NPAS3: variants seen among roughly 807,000 people sequenced by gnomAD.
The protein encoded by NPAS3 is neuronal PAS domain-containing protein 3.
NPAS3 carries 14 observed loss-of-function variants against 73.1 expected under a neutral mutation model. The observed-to-expected ratio is 0.19, with a 90% CI of 0.13 to 0.30. NPAS3 has a LOEUF of 0.30. NPAS3 is among the 10% of genes least tolerant of loss of function. NPAS3 has a pLI of 1.00. For missense variants in NPAS3, 1,096 were observed against 1,250.0 expected (o/e 0.88, Z 1.86); for synonymous variants, 620 against 541.5 (o/e 1.14, Z -2.01).
At chr14:33,445,998 T>C (rs1241962338) in intron 4 of NPAS3, among the ~76,000 whole-genome samples, 1 of 151,910 alleles carries the variant, frequency 6.6e-6, no homozygotes, top group Non-Finnish European at 1.5e-5. Context: ...ACAGTTTTTG[T>C]GGCTTTAGTG....
At chr14:33,508,992 C>G (rs919371560) in intron 4 of NPAS3, among the ~76,000 whole-genome samples, 1 of 151,688 alleles carries the variant, frequency 6.6e-6, no homozygotes, top group Non-Finnish European at 1.5e-5. Flanking sequence ...AGGGTGGTGG[C>G]CTGTTTGTCC....
Position 33,252,693 on chromosome 14 carries a change from G to T in NPAS3, c.385+37267G>T, listed in dbSNP as rs1483956069. Among the ~76,000 whole-genome samples the T allele has an allele frequency of 2.0e-5, 3 of 151,432 alleles. No homozygotes were observed. The East Asian group carries it at 5.8e-4, about 29-fold the overall frequency. ...GTATATGTGCATGTTTGTTACATGG[G>T]TATATTGCATACTGGTGGGGATTGG... On this transcript the variant is annotated intron_variant, in intron 3 of 11. Transcript: ENST00000356141.
chr14:33,601,589 T>C (rs1445358111), intron 5 of NPAS3, among the ~76,000 whole-genome samples: 1 of 152,188 alleles, frequency 6.6e-6, no homozygotes, highest in Non-Finnish European at 1.5e-5. Flanking sequence ...TCCAGAGCTC[T>C]TAATGACAGT....
At chr14:33,771,151 A>T (rs1357211732) in intron 7 of NPAS3, among the ~76,000 whole-genome samples, 1 of 152,246 alleles carries the variant, frequency 6.6e-6, no homozygotes, top group Non-Finnish European at 1.5e-5. Context: ...GTTTGGATAC[A>T]TGCTGTCAGA....
intron 2 of NPAS3, among the ~76,000 whole-genome samples, chr14:33,136,005 T>C (rs1164103900): frequency 2.0e-5 from 3 of 151,796 alleles, no homozygotes; most frequent in Non-Finnish European, 2.9e-5. Flanking sequence ...ATGGTGTAAG[T>C]GGACCTAAAA....
intron 3 of NPAS3, among the ~76,000 whole-genome samples, chr14:33,286,746 C>G (rs983235567): frequency 1.2e-4 from 18 of 151,956 alleles, no homozygotes; most frequent in African/African-American, 3.9e-4. Flanking sequence ...TTTCTTATAG[C>G]CTTCTCCACT....
At chr14:33,566,240 G>A (rs2055928985) in intron 5 of NPAS3, among the ~76,000 whole-genome samples, 1 of 150,702 alleles carries the variant, frequency 6.6e-6, no homozygotes, top group African/African-American at 2.4e-5. Context: ...CCCCGAAAAT[G>A]ACTGCATGAT....
chr14:33,047,417 C>T (rs2040548807), intron 1 of NPAS3, among the ~76,000 whole-genome samples: 1 of 152,102 alleles, frequency 6.6e-6, no homozygotes, highest in South Asian at 2.1e-4. Context: ...TCAGATGGTA[C>T]CCAGAGGCCC....
At chr14:33,638,538 C>T (rs1324391564) in intron 5 of NPAS3, among the ~76,000 whole-genome samples, 1 of 152,152 alleles carries the variant, frequency 6.6e-6, no homozygotes, top group Non-Finnish European at 1.5e-5. Context: ...AATGATAAAT[C>T]ATATACATTT....
At chr14:33,238,860 G>T (rs1449977366) in intron 3 of NPAS3, among the ~76,000 whole-genome samples, 1 of 151,924 alleles carries the variant, frequency 6.6e-6, no homozygotes, top group African/African-American at 2.4e-5. Flanking sequence ...GCGCCGTGTG[G>T]AATGTCTGGT....
At chr14:33,446,366 G>A (rs1414566899) in intron 4 of NPAS3, among the ~76,000 whole-genome samples, 1 of 151,296 alleles carries the variant, frequency 6.6e-6, no homozygotes. Context: ...TAGTAGAGAC[G>A]GGGTTTCACC....
chr14:33,323,963 A>C (rs1266036349), intron 3 of NPAS3, among the ~76,000 whole-genome samples: 1 of 152,242 alleles, frequency 6.6e-6, no homozygotes, highest in Non-Finnish European at 1.5e-5. Flanking sequence ...ATTTATACTG[A>C]GAATAATTAA....
At chr14:33,357,798 C>T (rs1041555642) in intron 3 of NPAS3, among the ~76,000 whole-genome samples, 1 of 152,172 alleles carries the variant, frequency 6.6e-6, no homozygotes, top group Non-Finnish European at 1.5e-5. Flanking sequence ...TGCAGATAAG[C>T]TCCAGGAGAA....
At chr14:33,731,937 C>T (rs940128199) in intron 6 of NPAS3, among the ~76,000 whole-genome samples, 29 of 152,062 alleles carry the variant, frequency 1.9e-4, no homozygotes, top group East Asian at 9.7e-4. Flanking sequence ...CAGAGCTGGG[C>T]GCAACTGGGC....
intron 7 of NPAS3, among the ~76,000 whole-genome samples, chr14:33,772,499 G>T (rs1045097753): frequency 6.6e-6 from 1 of 152,272 alleles, no homozygotes; most frequent in African/African-American, 2.4e-5. Flanking sequence ...AAATTGCTTT[G>T]GAATAGAATA....
At chr14:33,680,193 T>G (rs779316228) in intron 6 of NPAS3, among the ~76,000 whole-genome samples, 1 of 152,160 alleles carries the variant, frequency 6.6e-6, no homozygotes, top group Non-Finnish European at 1.5e-5. Context: ...ATCCTCATCT[T>G]TTTCTTAAAT....
At chr14:33,424,535 A>G (rs1347809110) in intron 4 of NPAS3, among the ~76,000 whole-genome samples, 5 of 152,030 alleles carry the variant, frequency 3.3e-5, no homozygotes, top group Non-Finnish European at 5.9e-5. Context: ...GATGATCCCC[A>G]TGAGCCTGGG....
At chr14:33,292,439 A>G (rs2042139118) in intron 3 of NPAS3, among the ~76,000 whole-genome samples, 1 of 152,186 alleles carries the variant, frequency 6.6e-6, no homozygotes, top group Non-Finnish European at 1.5e-5. Flanking sequence ...TAGTGTGGCT[A>G]GATTTTAATT....
intron 2 of NPAS3, among the ~76,000 whole-genome samples, chr14:33,190,510 T>C (rs1314505678): frequency 1.3e-5 from 2 of 152,248 alleles, no homozygotes; most frequent in Admixed American, 1.3e-4. Context: ...AGTTGATTAA[T>C]TTAGAAGTGA....
Sources: gnomAD v4.1 joint callset for allele counts (sites outside exome capture counted in the v4.1 genomes callset) on GRCh38, gnomAD v4.1.1 for gene constraint, MANE v1.5 for transcripts, NCBI Gene and HGNC (gene_info 2026-07-23, HGNC 2026-07-21) for gene names.